Variants in NUP98 observed in about 807,000 individuals in gnomAD.
NUP98 encodes nucleoporin 98 and 96 precursor, also known as nuclear pore complex protein Nup98-Nup96.
A neutral mutation model predicts 191.9 loss-of-function variants in NUP98; 26 were observed. The observed-to-expected ratio is 0.14, with a 90% CI of 0.10 to 0.19. NUP98 has a LOEUF of 0.19. NUP98 is among the 10% of genes least tolerant of loss of function. NUP98 has a pLI of 1.00. For missense variants in NUP98, 1,941 were observed against 2,178.8 expected (o/e 0.89, Z 2.17); for synonymous variants, 808 against 778.4 (o/e 1.04, Z -0.63).
intron 12 of NUP98, among the ~76,000 whole-genome samples, chr11:3,742,821 A>G (rs1269888887): frequency 6.6e-6 from 1 of 152,150 alleles, no homozygotes; most frequent in Non-Finnish European, 1.5e-5. Flanking sequence ...TTGACAGAAT[A>G]AGAAAAATAT....
chr11:3,780,633 C>T (rs538034263), intron 2 of NUP98, among the ~76,000 whole-genome samples: 1 of 151,574 alleles, frequency 6.6e-6, no homozygotes, highest in East Asian at 1.9e-4. Context: ...GTTTGTTAGT[C>T]ATGCTTCTTA....
intron 11 of NUP98, among the ~76,000 whole-genome samples, chr11:3,745,379 C>T (rs116494154): frequency 2.0e-5 from 3 of 152,236 alleles, no homozygotes; most frequent in African/African-American, 4.8e-5. Context: ...GGTTACTAAA[C>T]AGACTCAAAT....
chr11:3,685,600 C>T (rs1352469780), intron 29 of NUP98, among the ~76,000 whole-genome samples: 1 of 152,212 alleles, frequency 6.6e-6, no homozygotes, highest in Admixed American at 6.5e-5. Flanking sequence ...ATTGTCCCAT[C>T]TGGGCATATT....
chr11:3,738,392 T>A (rs1332463630), intron 12 of NUP98, among the ~76,000 whole-genome samples: 1 of 151,886 alleles, frequency 6.6e-6, no homozygotes, highest in Non-Finnish European at 1.5e-5. Context: ...ACCAAATGAT[T>A]AAAGGGATAG....
chr11:3,764,830 G>A (rs529799840), intron 8 of NUP98, among the ~76,000 whole-genome samples: 8 of 152,250 alleles, frequency 5.3e-5, no homozygotes, highest in East Asian at 3.9e-4. Flanking sequence ...TGCCTGCCTC[G>A]GCTTCCCAAA....
rs1363405456 is a variant in NUP98, at chr11:3,746,265, A to AGCAG, written c.1268-1617_1268-1616insCTGC. Reference sequence around the variant, plus strand: ...GCCTGGGCAACAAGAGCAAAACTTTATCTCAAAAAAAAAAAAAAAAAAAAA... The same window carrying AGCAG: ...GCCTGGGCAACAAGAGCAAAACTTTAGCAGTCTCAAAAAAAAAAAAAAAAAAAAA... On this transcript the variant is annotated intron_variant, in intron 11 of 32. Transcript: ENST00000324932. Among the ~76,000 whole-genome samples the AGCAG allele has an allele frequency of 1.9e-3, 255 of 136,132 alleles. 1 individual carries two copies. Among genetic ancestry groups the AGCAG allele is most frequent in the Middle Eastern group, 7.7e-3 (2 of 260 alleles). The allele number at this position is 136,132 out of a possible 152,430, so 89.3% of individuals were successfully genotyped here. A position where few individuals can be genotyped will look rare whatever the true frequency, so the allele number is the denominator to read the frequency against.
At chr11:3,791,522 A>C in intron 1 of NUP98, among the ~76,000 whole-genome samples, 1 of 126,824 alleles carries the variant, frequency 7.9e-6, no homozygotes, top group South Asian at 2.7e-4. Context: ...GGAAAGACCG[A>C]GACCTCGTCT....
At chr11:3,690,042 C>A (rs1279940091) in intron 28 of NUP98, among the ~76,000 whole-genome samples, 1 of 149,898 alleles carries the variant, frequency 6.7e-6, no homozygotes, top group South Asian at 2.1e-4. Context: ...ACCTCCAACT[C>A]CCAGGTTCAA....
chr11:3,721,243 C>T (rs1010827002), intron 16 of NUP98, among the ~76,000 whole-genome samples: 1 of 151,970 alleles, frequency 6.6e-6, no homozygotes, highest in Non-Finnish European at 1.5e-5. Context: ...ACAAGGATAC[C>T]AAAACCTACA....
chr11:3,735,056 G>T, intron 13 of NUP98, 135 bp downstream of exon 13: 3 of 785,054 alleles, frequency 3.8e-6, no homozygotes, highest in Non-Finnish European at 5.4e-6. Flanking sequence ...CCGGCTGAGT[G>T]AAATAATATC....
chr11:3,686,216 T>A, intron 28 of NUP98, 22 bp from the exon 29 acceptor site: 2 of 1,609,284 alleles, frequency 1.2e-6, no homozygotes, highest in Non-Finnish European at 1.7e-6. Flanking sequence ...GTGTTGAGAG[T>A]CAACATACAC....
chr11:3,746,156 C>T (rs1282838418), intron 11 of NUP98, among the ~76,000 whole-genome samples: 2 of 151,026 alleles, frequency 1.3e-5, no homozygotes, highest in Non-Finnish European at 2.9e-5. Context: ...TGTAACCCAG[C>T]TACTCGGGAG....
intron 10 of NUP98, among the ~76,000 whole-genome samples, chr11:3,755,782 G>C (rs1024452502): frequency 1.3e-5 from 2 of 152,164 alleles, no homozygotes; most frequent in Non-Finnish European, 2.9e-5. Flanking sequence ...GGCCAAGATG[G>C]TGAAACCCCA....
intron 8 of NUP98, among the ~76,000 whole-genome samples, chr11:3,766,485 T>C (rs147261919): frequency 0.011 from 1,702 of 151,362 alleles, 24 homozygotes; most frequent in Non-Finnish European, 0.018. Context: ...AGGTCAGGAG[T>C]TTGAGACCAG....
intron 30 of NUP98, among the ~76,000 whole-genome samples, chr11:3,681,798 C>T (rs1022691859): frequency 2.6e-5 from 4 of 152,166 alleles, no homozygotes; most frequent in Admixed American, 6.5e-5. Flanking sequence ...TTACCATCAC[C>T]AGCTGAATTA....
At chr11:3,732,274 G>GA (rs1564856986) in intron 13 of NUP98, among the ~76,000 whole-genome samples, 1 of 152,094 alleles carries the variant, frequency 6.6e-6, no homozygotes, top group East Asian at 1.9e-4. Flanking sequence ...TGATGAATCT[G>GA]AAAAAAGTTC....
Position 3,723,311 on chromosome 11 carries a change from G to A in NUP98, c.1992C>T (p.Ser664=). Residue 664 remains serine (S), a synonymous_variant, in exon 16 of 33, where the codon AGC becomes AGT. Coordinates refer to ENST00000324932, the MANE Select transcript of NUP98 (RefSeq NM_016320.5). ...CAACAATGGTATCATCCACACTGTT[G>A]CTGTTGCTGTGTTTATTTCCAGCAC... is the stretch of plus-strand genomic sequence containing the variant. ...PESAGNKHSN[S]NSVDDTIVAL... The A allele has an allele frequency of 6.2e-7, 1 of 1,614,108 alleles. No individual in the cohort carries two copies. Among genetic ancestry groups the A allele is most frequent in the Non-Finnish European group, 8.5e-7 (1 of 1,180,014 alleles).
chr11:3,760,310 A>G, intron 10 of NUP98: 1 of 554,272 alleles, frequency 1.8e-6, no homozygotes, highest in Non-Finnish European at 3.2e-6. Flanking sequence ...GGCAATTTAC[A>G]TGCCTACTAA....
chr11:3,774,950 A>T (rs956699627), intron 5 of NUP98, among the ~76,000 whole-genome samples: 3 of 152,172 alleles, frequency 2.0e-5, no homozygotes, highest in African/African-American at 7.2e-5. Context: ...TCTGGAGTAT[A>T]TTTTAACAAG....
Sources: allele counts gnomAD v4.1 joint callset (sites outside exome capture counted in the v4.1 genomes callset), GRCh38; gene constraint gnomAD v4.1.1; transcripts MANE v1.5; gene names NCBI Gene and HGNC (gene_info 2026-07-23, HGNC 2026-07-21).